Variants in TMTC2 observed in about 807,000 individuals in gnomAD.
The protein encoded by TMTC2 is protein O-mannosyl-transferase TMTC2.
A neutral mutation model predicts 82.4 loss-of-function variants in TMTC2; 43 were observed. That is an observed-to-expected ratio of 0.52 (90% CI 0.41 to 0.67). The LOEUF (loss-of-function observed/expected upper bound fraction) is 0.67, where lower values mean the gene tolerates loss of function less well. TMTC2 is among the 30% of genes least tolerant of loss of function. The probability of loss-of-function intolerance (pLI) is 0.00; values close to 1 mark genes in which losing one functional copy is unlikely to be tolerated. For missense variants in TMTC2, 919 were observed against 1,012.4 expected (o/e 0.91, Z 1.25); for synonymous variants, 408 against 381.9 (o/e 1.07, Z -0.80).
At chr12:82,964,420 T>C (rs749080961) in intron 4 of TMTC2, among the ~76,000 whole-genome samples, 1 of 152,098 alleles carries the variant, frequency 6.6e-6, no homozygotes, top group African/African-American at 2.4e-5. Flanking sequence ...GAAATTTGCA[T>C]AGTGTTCCGA....
chr12:83,053,029 T>G (rs542063295), intron 10 of TMTC2, among the ~76,000 whole-genome samples: 44 of 152,268 alleles, frequency 2.9e-4, no homozygotes, highest in African/African-American at 9.6e-4. Context: ...ATTCAAGCAT[T>G]TCTGTAGTGC....
chr12:82,703,932 G>T (rs1248400277), intron 1 of TMTC2, among the ~76,000 whole-genome samples: 1 of 152,160 alleles, frequency 6.6e-6, no homozygotes, highest in Non-Finnish European at 1.5e-5. Context: ...TAGCCTCTAG[G>T]ATATATTTTG....
At chr12:82,899,652 AATAT>A (rs974972309) in intron 3 of TMTC2, among the ~76,000 whole-genome samples, 11 of 140,486 alleles carry the variant, frequency 7.8e-5, no homozygotes, top group African/African-American at 1.6e-4. Flanking sequence ...TATATATAAG[AATAT>A]ATATATAAGA....
At chr12:82,935,703 A>T (rs1218427316) in intron 4 of TMTC2, among the ~76,000 whole-genome samples, 2 of 152,162 alleles carry the variant, frequency 1.3e-5, no homozygotes, top group African/African-American at 4.8e-5. Context: ...TGTATTAGGA[A>T]TTAGATTTCA....
chr12:82,856,951 A>C (rs1871284152), intron 1 of TMTC2, 59 bp from the exon 2 acceptor site: 4 of 1,482,164 alleles, frequency 2.7e-6, no homozygotes, highest in Non-Finnish European at 3.7e-6. Context: ...TATCAATGTC[A>C]TATTTTTTCT....
intron 11 of TMTC2, among the ~76,000 whole-genome samples, chr12:83,063,240 C>T (rs17010577): frequency 0.059 from 8,910 of 151,400 alleles, 305 homozygotes; most frequent in East Asian, 0.078. Context: ...TATTACCTAC[C>T]ACAGGGGAGA....
At chr12:83,109,530 G>A (rs1394147102) in intron 11 of TMTC2, among the ~76,000 whole-genome samples, 1 of 152,102 alleles carries the variant, frequency 6.6e-6, no homozygotes, top group Non-Finnish European at 1.5e-5. Context: ...TTTCTCTTCT[G>A]CAACACCTCT....
intron 1 of TMTC2, among the ~76,000 whole-genome samples, chr12:82,842,439 A>C (rs1870391971): frequency 6.6e-6 from 1 of 152,212 alleles, no homozygotes; most frequent in Non-Finnish European, 1.5e-5. Context: ...CCTATTTACA[A>C]TCACAAAGCA....
chr12:82,782,301 C>T (rs1030529199), intron 1 of TMTC2, among the ~76,000 whole-genome samples: 2 of 152,064 alleles, frequency 1.3e-5, no homozygotes, highest in Non-Finnish European at 2.9e-5. Flanking sequence ...TTATGTTTAT[C>T]TACTGTTTGA....
intron 3 of TMTC2, among the ~76,000 whole-genome samples, chr12:82,898,380 T>C (rs1378682991): frequency 6.6e-6 from 1 of 152,214 alleles, no homozygotes; most frequent in Admixed American, 6.5e-5. Context: ...TTAAAACATA[T>C]AGGGAATTGA....
At chr12:82,820,987 T>A (rs909847636) in intron 1 of TMTC2, among the ~76,000 whole-genome samples, 2 of 151,592 alleles carry the variant, frequency 1.3e-5, no homozygotes, top group Non-Finnish European at 2.9e-5. Flanking sequence ...ACTTCTGGAG[T>A]AGCTAGGACT....
chr12:82,955,557 A>G (rs1349323295), intron 4 of TMTC2, among the ~76,000 whole-genome samples: 2 of 152,218 alleles, frequency 1.3e-5, no homozygotes, highest in Non-Finnish European at 2.9e-5. Context: ...CACATGCAGT[A>G]TTACTAGAAC....
chr12:82,988,894 CT>C (rs989230500), intron 8 of TMTC2, among the ~76,000 whole-genome samples: 2 of 147,840 alleles, frequency 1.4e-5, no homozygotes, highest in African/African-American at 5.0e-5. Context: ...TTCGATTCAG[CT>C]TTTATTAATT....
intron 2 of TMTC2, among the ~76,000 whole-genome samples, chr12:82,868,337 A>C (rs1438113650): frequency 6.6e-6 from 1 of 152,210 alleles, no homozygotes; most frequent in Non-Finnish European, 1.5e-5. Context: ...TATCCTGTTC[A>C]CCAGTGCTGA....
intron 1 of TMTC2, among the ~76,000 whole-genome samples, chr12:82,790,351 C>G (rs1878405590): frequency 6.6e-6 from 1 of 151,984 alleles, no homozygotes; most frequent in Non-Finnish European, 1.5e-5. Context: ...TTTACTGTCC[C>G]TCTTTGAGAG....
At chr12:83,056,687 CAAACTTACCAA>C (rs1329391484) in intron 10 of TMTC2, among the ~76,000 whole-genome samples, 1 of 151,844 alleles carries the variant, frequency 6.6e-6, no homozygotes, top group Non-Finnish European at 1.5e-5. Flanking sequence ...TTAACACTTC[CAAACTTACCAA>C]AACCACGCGA....
intron 1 of TMTC2, among the ~76,000 whole-genome samples, chr12:82,816,285 A>G (rs1279311372): frequency 1.3e-5 from 2 of 152,018 alleles, no homozygotes; most frequent in African/African-American, 4.8e-5. Flanking sequence ...AACGTATATA[A>G]TATTACCTAA....
chr12:82,819,753 T>C (rs1868976208), intron 1 of TMTC2, among the ~76,000 whole-genome samples: 2 of 152,114 alleles, frequency 1.3e-5, no homozygotes, highest in Non-Finnish European at 2.9e-5. Flanking sequence ...TTCACCTGCC[T>C]CGGCTTCCCA....
intron 9 of TMTC2, among the ~76,000 whole-genome samples, chr12:83,033,803 C>T (rs570620321): frequency 1.5e-5 from 2 of 132,704 alleles, no homozygotes; most frequent in African/African-American, 3.0e-5. Flanking sequence ...TATATATATA[C>T]ACATATATGT....
Sources: gnomAD v4.1 joint callset for allele counts (sites outside exome capture counted in the v4.1 genomes callset) on GRCh38, gnomAD v4.1.1 for gene constraint, MANE v1.5 for transcripts, NCBI Gene and HGNC (gene_info 2026-07-23, HGNC 2026-07-21) for gene names.